Variants in AIF1L observed in about 807,000 individuals in gnomAD.
The protein encoded by AIF1L is allograft inflammatory factor 1 like, also known as allograft inflammatory factor 1-like.
A neutral mutation model predicts 20.7 loss-of-function variants in AIF1L; 12 were observed. That is an observed-to-expected ratio of 0.58 (90% confidence interval 0.37 to 0.94). The LOEUF (loss-of-function observed/expected upper bound fraction) is 0.94, where lower values mean the gene tolerates loss of function less well. AIF1L is among the 40% of genes least tolerant of loss of function. AIF1L has a pLI of 0.01. For synonymous variants in AIF1L, 76 were observed against 65.1 expected (o/e 1.17, Z -0.81); for missense variants, 173 against 185.3 (o/e 0.93, Z 0.39).
intron 3 of AIF1L, chr9:131,111,984 G>A: frequency 2.7e-6 from 1 of 367,532 alleles, no homozygotes. Flanking sequence ...TCACTCCCGG[G>A]CCCCGCACAC....
At position 131,102,535 on chromosome 9, in the gene AIF1L, C is replaced by A. The variant is rs142494200; in HGVS notation, c.93+5672C>A. On this transcript the variant is annotated intron_variant, in intron 2 of 5. Transcript: ENST00000247291. The stretch of plus-strand genomic sequence containing the variant: ...TGAGGATTCAGTGTCCCCTGCAGGT[C>A]CAACCAGTTATGACCTTGGTGTGGC... 1.4e-4 allele frequency among the ~76,000 whole-genome samples: 22 copies of A among 152,336 alleles called. No homozygotes were observed. The East Asian group carries it at 4.0e-3, about 28-fold the overall frequency.
chr9:131,111,292 TGG>T (rs1830876146), intron 2 of AIF1L: 3 of 318,816 alleles, frequency 9.4e-6, no homozygotes, highest in Non-Finnish European at 1.7e-5. Flanking sequence ...GATCTGAAGC[TGG>T]GGTGTCTTGG....
intron 2 of AIF1L, among the ~76,000 whole-genome samples, chr9:131,110,669 A>G (rs1830857305): frequency 6.6e-6 from 1 of 151,322 alleles, no homozygotes; most frequent in Non-Finnish European, 1.5e-5. Context: ...ATGCCCAACT[A>G]ATTTTTGTAT....
intron 5 of AIF1L, among the ~76,000 whole-genome samples, chr9:131,119,927 T>A (rs34310012): frequency 0.029 from 4,345 of 152,234 alleles, 79 homozygotes; most frequent in Non-Finnish European, 0.048. Context: ...GCAGTGTGGT[T>A]AAGGGAAGGG....
At chr9:131,115,974 C>CA (rs148734354) in intron 4 of AIF1L, among the ~76,000 whole-genome samples, 1,255 of 82,098 alleles carry the variant, frequency 0.015, 12 homozygotes, top group African/African-American at 0.038. Context: ...GACTTCGTCT[C>CA]AAAAAAAAAA....
intron 2 of AIF1L, chr9:131,102,775 C>A (rs1476099900): frequency 2.5e-6 from 1 of 400,406 alleles, no homozygotes; most frequent in Non-Finnish European, 5.0e-6. Context: ...GTGGCCTGGC[C>A]CTGGCCCTTT....
Position 131,120,369 on chromosome 9 carries a change from C to T in AIF1L, c.*47C>T, listed in dbSNP as rs188544060. ...GCCTTCCCACCCCATACCTCCCTCC[C>T]GATCTTGCTGCCCTTCTTGACACAC... On this transcript the variant is annotated 3_prime_UTR_variant, in exon 6 of 6. Coordinates refer to ENST00000247291, the MANE Select transcript of AIF1L (RefSeq NM_031426.4). 696 of 1,460,370 alleles carry T rather than the reference C, an allele frequency of 4.8e-4. No homozygotes were observed. Among genetic ancestry groups the T allele is most frequent in the Non-Finnish European group, 6.1e-4 (651 of 1,064,454 alleles). The allele number at this position is 1,460,370 out of a possible 1,614,324, so 90.5% of individuals were successfully genotyped here.
chr9:131,108,400 A>T (rs565802317), intron 2 of AIF1L, among the ~76,000 whole-genome samples: 3 of 151,932 alleles, frequency 2.0e-5, no homozygotes, highest in Non-Finnish European at 2.9e-5. Flanking sequence ...GGGTTTCACC[A>T]TGTTGGCCAG....
chr9:131,117,590 C>T (rs527974222), intron 4 of AIF1L, among the ~76,000 whole-genome samples, 166 bp from the exon 5 acceptor site: 150 of 152,322 alleles, frequency 9.8e-4, no homozygotes, highest in African/African-American at 3.5e-3. Flanking sequence ...CTAGCCTATA[C>T]GGCCTCCAAA....
intron 2 of AIF1L, chr9:131,106,398 G>A (rs1175425576): frequency 1.4e-6 from 1 of 714,816 alleles, no homozygotes; most frequent in Admixed American, 2.1e-5. Flanking sequence ...AGTGGCAGTG[G>A]AAATCATGTT....
intron 2 of AIF1L, among the ~76,000 whole-genome samples, chr9:131,100,743 G>C (rs1444452894): frequency 6.6e-6 from 1 of 152,218 alleles, no homozygotes; most frequent in East Asian, 1.9e-4. Flanking sequence ...ATGGCAATGG[G>C]AGAGATTTTC....
intron 2 of AIF1L, among the ~76,000 whole-genome samples, chr9:131,103,371 G>T (rs1328177146): frequency 6.6e-6 from 1 of 152,182 alleles, no homozygotes; most frequent in Non-Finnish European, 1.5e-5. Flanking sequence ...AGCATGGTCG[G>T]TGGGTGATGT....
At chr9:131,114,709 A>T in intron 4 of AIF1L, 91 bp downstream of exon 4, 7 of 1,511,088 alleles carry the variant, frequency 4.6e-6, no homozygotes, top group Non-Finnish European at 5.5e-6. Context: ...GGCATGGGGC[A>T]GTCCGGAAGG....
chr9:131,103,919 G>A (rs1161205000), intron 2 of AIF1L, among the ~76,000 whole-genome samples: 2 of 152,314 alleles, frequency 1.3e-5, no homozygotes, highest in South Asian at 2.1e-4. Context: ...CTTGGGCAAG[G>A]CCTGTCCCTT....
intron 3 of AIF1L, chr9:131,114,362 G>T (rs778876360): frequency 5.2e-4 from 280 of 539,572 alleles, no homozygotes; most frequent in Non-Finnish European, 8.5e-4. Context: ...TCTTTCCCTC[G>T]TGGCACCTCT....
chr9:131,106,045 C>G, intron 2 of AIF1L: 1 of 888,964 alleles, frequency 1.1e-6, no homozygotes, highest in East Asian at 2.7e-5. Flanking sequence ...CTTCAAACTT[C>G]TGGCCTCAAG....
chr9:131,118,151 G>C (rs2133409256), intron 5 of AIF1L, among the ~76,000 whole-genome samples: 1 of 152,202 alleles, frequency 6.6e-6, no homozygotes, highest in South Asian at 2.1e-4. Context: ...GGAGTGCAGT[G>C]GTGTGATCTT....
intron 3 of AIF1L, chr9:131,111,888 C>T: frequency 1.8e-6 from 1 of 563,760 alleles, no homozygotes; most frequent in Non-Finnish European, 3.2e-6. Flanking sequence ...CCCTCGCCTG[C>T]AGCCCGGTCC....
Position 131,120,394 on chromosome 9 carries a change from CTG to C in AIF1L, c.*75_*76del. 1.6e-6 allele frequency: 2 copies of C among 1,214,216 alleles called. No individual in the cohort carries two copies. Among genetic ancestry groups the C allele is most frequent in the South Asian group, 2.8e-5 (2 of 72,154 alleles). 75.2% of individuals were successfully genotyped at this position (1,214,216 alleles called of 1,614,324 possible). On this transcript the variant is annotated 3_prime_UTR_variant, in exon 6 of 6. Transcript: ENST00000247291. The stretch of plus-strand genomic sequence containing the variant: ...CGATCTTGCTGCCCTTCTTGACACA[CTG>C]TGATCTCTCTCTCTCTCATTTGTTT...
Sources: gnomAD v4.1 joint callset for allele counts (sites outside exome capture counted in the v4.1 genomes callset) on GRCh38, gnomAD v4.1.1 for gene constraint, MANE v1.5 for transcripts, NCBI Gene and HGNC (gene_info 2026-07-23, HGNC 2026-07-21) for gene names.